The following SRPK1 variants were observed in gnomAD, a reference collection of about 807,000 sequenced individuals.
The protein encoded by SRPK1 is SFRS protein kinase 1.
A neutral mutation model predicts 89.5 loss-of-function variants in SRPK1; 52 were observed. That is an observed-to-expected ratio of 0.58 (90% CI 0.46 to 0.73). The LOEUF (loss-of-function observed/expected upper bound fraction) is 0.73, where lower values mean the gene tolerates loss of function less well. Among genes scored for constraint, SRPK1 ranks in the 30% least tolerant of loss-of-function variants. The probability of loss-of-function intolerance (pLI) is 0.00; values close to 1 mark genes in which losing one functional copy is unlikely to be tolerated. For missense variants in SRPK1, 603 were observed against 780.6 expected (o/e 0.77, Z 2.71); for synonymous variants, 255 against 270.2 (o/e 0.94, Z 0.55).
intron 12 of SRPK1, among the ~76,000 whole-genome samples, chr6:35,864,574 G>C (rs1340745200): frequency 6.6e-6 from 1 of 152,168 alleles, no homozygotes; most frequent in Non-Finnish European, 1.5e-5. Flanking sequence ...GGAGAAAAGG[G>C]AACCCTCCTG....
At chr6:35,895,683 TCCCCATTTCAGAG>T (rs1770614090) in intron 2 of SRPK1, 2 of 152,086 alleles carry the variant, frequency 1.3e-5, no homozygotes, top group Non-Finnish European at 2.9e-5. Context: ...ATTCATAAGA[TCCCCATTTCAGAG>T]CCCCATACCT....
intron 6 of SRPK1, among the ~76,000 whole-genome samples, chr6:35,883,303 C>T (rs1351243736): frequency 1.3e-5 from 2 of 152,048 alleles, no homozygotes; most frequent in Non-Finnish European, 2.9e-5. Flanking sequence ...GAAGGAGAAT[C>T]GCTTGAACCT....
chr6:35,902,215 G>T (rs933278295), intron 2 of SRPK1, among the ~76,000 whole-genome samples: 2 of 144,208 alleles, frequency 1.4e-5, no homozygotes, highest in African/African-American at 5.1e-5. Context: ...GGGCCAGATG[G>T]CGAGACTCCG....
At chr6:35,901,802 T>C (rs1770745813) in intron 2 of SRPK1, among the ~76,000 whole-genome samples, 1 of 152,210 alleles carries the variant, frequency 6.6e-6, no homozygotes, top group Non-Finnish European at 1.5e-5. Flanking sequence ...TTTTTTTCTT[T>C]TGCAAATTGA....
intron 14 of SRPK1, among the ~76,000 whole-genome samples, chr6:35,841,200 T>C (rs1283804266): frequency 2.0e-5 from 3 of 152,160 alleles, no homozygotes; most frequent in African/African-American, 7.2e-5. Flanking sequence ...AATTATAGTA[T>C]CCTCTAACAT....
chr6:35,855,277 G>C (rs372595729), intron 13 of SRPK1, among the ~76,000 whole-genome samples: 42 of 152,120 alleles, frequency 2.8e-4, no homozygotes, highest in African/African-American at 9.9e-4. Flanking sequence ...ACTCCAGCTT[G>C]GGTGACAGAG....
At chr6:35,863,950 G>A (rs959014956) in intron 12 of SRPK1, among the ~76,000 whole-genome samples, 3 of 152,082 alleles carry the variant, frequency 2.0e-5, no homozygotes, top group African/African-American at 7.2e-5. Flanking sequence ...TCAAGATATA[G>A]ACAGTCAAAA....
In SRPK1 at chr6:35,890,968, A is replaced by G; in HGVS notation, c.120T>C (p.Asp40=). The part of the protein sequence containing the change: ...HRGSAPHSES[D]LPEQEEEILG... The stretch of plus-strand genomic sequence containing the variant: ...GAATCTCCTCTTCCTGCTCTGGTAG[A>G]TCACTCTCAGAGTGGGGAGCAGAGC... The change falls in exon 3 of 16, where the codon GAT becomes GAC. Residue 40 remains aspartate, a synonymous_variant. Transcript: ENST00000373825. 1 of 1,553,740 alleles carries G rather than the reference A, an allele frequency of 6.4e-7. No individual in the cohort carries two copies. The highest frequency in any genetic ancestry group is 8.7e-7 in the Non-Finnish European group (1 of 1,147,480).
At chr6:35,900,915 G>A (rs557168156) in intron 2 of SRPK1, among the ~76,000 whole-genome samples, 1 of 152,280 alleles carries the variant, frequency 6.6e-6, no homozygotes, top group East Asian at 1.9e-4. Context: ...AGCTACTCAG[G>A]AGGCTGAGGT....
At chr6:35,850,973 C>CA (rs1262129060) in intron 13 of SRPK1, among the ~76,000 whole-genome samples, 2 of 151,956 alleles carry the variant, frequency 1.3e-5, no homozygotes, top group Non-Finnish European at 2.9e-5. Context: ...GGAATAGATG[C>CA]AATTAAAGGA....
At chr6:35,900,723 A>T (rs1178056082) in intron 2 of SRPK1, among the ~76,000 whole-genome samples, 1 of 152,202 alleles carries the variant, frequency 6.6e-6, no homozygotes, top group African/African-American at 2.4e-5. Flanking sequence ...GTGACATTTG[A>T]GTAAGGAGGT....
At chr6:35,863,567 A>G (rs1769830344) in intron 12 of SRPK1, among the ~76,000 whole-genome samples, 1 of 151,156 alleles carries the variant, frequency 6.6e-6, no homozygotes, top group Non-Finnish European at 1.5e-5. Context: ...AAGTCTAACA[A>G]GAGAGTTAAG....
chr6:35,887,159 C>T (rs2301509), intron 5 of SRPK1, among the ~76,000 whole-genome samples: 9,048 of 152,024 alleles, frequency 0.06, 461 homozygotes, highest in East Asian at 0.28. Context: ...TTTTTTTCAG[C>T]GGACATTTTT....
At chr6:35,847,616 A>C (rs1393754684) in intron 13 of SRPK1, among the ~76,000 whole-genome samples, 1 of 152,202 alleles carries the variant, frequency 6.6e-6, no homozygotes, top group African/African-American at 2.4e-5. Context: ...CACAAAAATC[A>C]GCAGCATTTC....
chr6:35,845,018 A>AT (rs1430063360), intron 13 of SRPK1, among the ~76,000 whole-genome samples: 2 of 152,188 alleles, frequency 1.3e-5, no homozygotes, highest in African/African-American at 4.8e-5. Context: ...AGGAACCTTA[A>AT]ATGCATATTA....
At chr6:35,897,260 T>C (rs1770644755) in intron 2 of SRPK1, among the ~76,000 whole-genome samples, 1 of 152,230 alleles carries the variant, frequency 6.6e-6, no homozygotes, top group Non-Finnish European at 1.5e-5. Context: ...TAGTGCTTTA[T>C]TGAGAGGAAG....
At position 35,872,464 on chromosome 6, in the gene SRPK1, G is replaced by T. The variant is rs918993698; in HGVS notation, c.751+99C>A. Reference sequence around the variant, plus strand: ...AATGTTTCTTAAATATGTTATTGTTGAAATGGATTGAGTGGTGTTTAATTC... The same window carrying T: ...AATGTTTCTTAAATATGTTATTGTTTAAATGGATTGAGTGGTGTTTAATTC... On this transcript the variant is annotated intron_variant, in intron 8 of 15. Coordinates refer to ENST00000373825, the MANE Select transcript of SRPK1 (RefSeq NM_003137.5). 3.7e-6 allele frequency: 4 copies of T among 1,090,032 alleles called. No individual in the cohort carries two copies. In the African/African-American group the frequency reaches 4.9e-5, roughly 13 times the overall value. The allele number at this position is 1,090,032 out of a possible 1,614,324, so 67.5% of individuals were successfully genotyped here.
At chr6:35,885,692 A>G (rs1488986357) in intron 6 of SRPK1, among the ~76,000 whole-genome samples, 1 of 152,250 alleles carries the variant, frequency 6.6e-6, no homozygotes, top group East Asian at 1.9e-4. Flanking sequence ...CAGCTTATAA[A>G]CAGGTGATTT....
intron 8 of SRPK1, among the ~76,000 whole-genome samples, chr6:35,871,576 T>C (rs1770036781): frequency 6.6e-6 from 1 of 152,216 alleles, no homozygotes; most frequent in Admixed American, 6.5e-5. Context: ...CTACATCCAT[T>C]TAACAACCAA....
Sources: allele counts gnomAD v4.1 joint callset (sites outside exome capture counted in the v4.1 genomes callset), GRCh38; gene constraint gnomAD v4.1.1; transcripts MANE v1.5; gene names NCBI Gene and HGNC (gene_info 2026-07-23, HGNC 2026-07-21).